The following PTPRN2 variants were observed in gnomAD, a reference collection of about 807,000 sequenced individuals.
The protein encoded by PTPRN2 is protein tyrosine phosphatase receptor type N2, also known as receptor-type tyrosine-protein phosphatase N2.
PTPRN2 carries 74 observed loss-of-function variants against 118.8 expected under a neutral mutation model. That is an observed-to-expected ratio of 0.62 (90% CI 0.52 to 0.76). The LOEUF (loss-of-function observed/expected upper bound fraction) is 0.76. Ranked by LOEUF, PTPRN2 falls within the 30% of genes least tolerant of loss-of-function variation. The pLI is 0.00. For missense variants in PTPRN2, 1,481 were observed against 1,394.4 expected (o/e 1.06, Z -0.99); for synonymous variants, 641 against 608.0 (o/e 1.05, Z -0.80).
At position 157,990,592 on chromosome 7, in the gene PTPRN2, G is replaced by T. The variant is rs1026068187; in HGVS notation, c.1723+90706C>A. On this transcript the variant is annotated intron_variant, in intron 11 of 22. Coordinates refer to ENST00000389418, the MANE Select transcript of PTPRN2 (RefSeq NM_002847.5). This position sits in a 1 kb window ranked among gnomAD's most constrained non-coding sequence, Gnocchi z 4.3. Reference sequence around the variant, plus strand: ...GGCAAGGGAGGAGACATCGGTGGATGGGGGAGCAGGGCAGGCTGGGGGTCA... The same window carrying T: ...GGCAAGGGAGGAGACATCGGTGGATTGGGGAGCAGGGCAGGCTGGGGGTCA... Among the ~76,000 whole-genome samples the T allele has an allele frequency of 6.6e-6, 1 of 152,212 alleles. No individual in the cohort carries two copies. Among genetic ancestry groups the T allele is most frequent in the Non-Finnish European group, 1.5e-5 (1 of 68,044 alleles).
Position 158,284,228 on chromosome 7 carries a change from G to A in PTPRN2, c.277+32591C>T, listed in dbSNP as rs375351889. 5.9e-5 allele frequency among the ~76,000 whole-genome samples: 9 copies of A among 152,348 alleles called. 1 individual carries two copies. In the South Asian group the frequency reaches 1.9e-3, roughly 32 times the overall value. On this transcript the variant is annotated intron_variant, in intron 3 of 22. Transcript: ENST00000389418. ...GTATTGGCAGCGTCCTACATTTAGA[G>A]AGAATCCAGACAAACAGCTGGTGGG...
At chr7:157,824,033 C>G (rs992780708) in intron 12 of PTPRN2, among the ~76,000 whole-genome samples, 1 of 152,140 alleles carries the variant, frequency 6.6e-6, no homozygotes, top group African/African-American at 2.4e-5. Flanking sequence ...GGACTTCAAG[C>G]CCTCATAGAG....
At chr7:158,560,642 G>T (rs985596188) in intron 1 of PTPRN2, among the ~76,000 whole-genome samples, 3 of 152,254 alleles carry the variant, frequency 2.0e-5, no homozygotes, top group Non-Finnish European at 4.4e-5. Flanking sequence ...GGCAGGTGTG[G>T]CCATCGCCTC....
intron 12 of PTPRN2, among the ~76,000 whole-genome samples, chr7:157,877,592 C>T (rs920591498): frequency 4.6e-5 from 7 of 152,168 alleles, no homozygotes; most frequent in African/African-American, 7.2e-5. Context: ...TCCTCCCCTC[C>T]GTGCACCCCG....
chr7:158,111,628 C>T (rs1160516079), intron 9 of PTPRN2, among the ~76,000 whole-genome samples: 1 of 152,198 alleles, frequency 6.6e-6, no homozygotes, highest in Non-Finnish European at 1.5e-5. Flanking sequence ...CAAAGGCTTT[C>T]ACCCCAGCAG....
chr7:157,613,405 G>T (rs765734282), intron 15 of PTPRN2, among the ~76,000 whole-genome samples: 1 of 152,216 alleles, frequency 6.6e-6, no homozygotes, highest in African/African-American at 2.4e-5. Context: ...GGGTCCGGGC[G>T]GGCCCCACGT....
chr7:158,321,799 G>A (rs1803038108), intron 2 of PTPRN2, among the ~76,000 whole-genome samples: 1 of 152,184 alleles, frequency 6.6e-6, no homozygotes, highest in African/African-American at 2.4e-5. Flanking sequence ...AAATATATGT[G>A]TACGTGTCAA....
intron 11 of PTPRN2, among the ~76,000 whole-genome samples, chr7:157,907,866 C>T (rs1212061764): frequency 6.6e-6 from 1 of 152,146 alleles, no homozygotes; most frequent in African/African-American, 2.4e-5. Context: ...TTCCTCCAGC[C>T]CCATCCTTTC....
At chr7:157,946,242 G>C (rs866064574) in intron 11 of PTPRN2, among the ~76,000 whole-genome samples, 18 of 152,130 alleles carry the variant, frequency 1.2e-4, no homozygotes, top group Middle Eastern at 3.4e-3. Flanking sequence ...GCTGGCCCAT[G>C]CCTCATGGGA....
rs552140811 is a variant in PTPRN2 at position 158,278,613 on chromosome 7, T to C, written c.277+38206A>G. Among the ~76,000 whole-genome samples, 3 of 152,354 alleles carry C rather than the reference T, an allele frequency of 2.0e-5. No individual in the cohort carries two copies. In the South Asian group the frequency reaches 6.2e-4, roughly 32 times the overall value. On this transcript the variant is annotated intron_variant, in intron 3 of 22. Transcript: ENST00000389418. ...TAGATGGACATGTTGTGTCCGGAAT[T>C]GGTGGGTTCTTGGTCTCGCTGACTT...
At chr7:157,988,442 C>T (rs899773014) in intron 11 of PTPRN2, among the ~76,000 whole-genome samples, 11 of 152,190 alleles carry the variant, frequency 7.2e-5, no homozygotes, top group South Asian at 6.2e-4. Context: ...CCTGCCTGCA[C>T]GTCTTGACAT....
In PTPRN2 at chr7:157,982,104, C is replaced by T. The variant is rs560273405; in HGVS notation, c.1724-83367G>A. ...GCAGGGTCCCCTCTAAACCCCGAGT[C>T]ACAGAGACAAGGAGGGGAATGCAGA... On this transcript the variant is annotated intron_variant, in intron 11 of 22. Transcript: ENST00000389418. 1.1e-3 allele frequency among the ~76,000 whole-genome samples: 147 copies of T among 139,962 alleles called. 1 individual carries two copies. The highest frequency in any genetic ancestry group is 3.7e-3 in the African/African-American group (141 of 37,860). 91.8% of individuals were successfully genotyped at this position (139,962 alleles called of 152,430 possible).
chr7:158,168,685 T>C (rs1823252907), intron 5 of PTPRN2, among the ~76,000 whole-genome samples: 1 of 152,234 alleles, frequency 6.6e-6, no homozygotes, highest in African/African-American at 2.4e-5. Flanking sequence ...CATCATTTAC[T>C]AGTCAATGCC....
At chr7:158,566,690 T>C (rs1563441040) in intron 1 of PTPRN2, among the ~76,000 whole-genome samples, 1 of 152,126 alleles carries the variant, frequency 6.6e-6, no homozygotes, top group Non-Finnish European at 1.5e-5. Context: ...AATAAAAGAT[T>C]GTTAAAGTGG....
chr7:158,062,611 C>T (rs1447401893), intron 11 of PTPRN2, among the ~76,000 whole-genome samples: 2 of 152,138 alleles, frequency 1.3e-5, no homozygotes, highest in Non-Finnish European at 2.9e-5. Context: ...GCGTGGTGCT[C>T]ACGGGCCAGC....
chr7:158,222,451 T>C (rs1173990988), intron 3 of PTPRN2, among the ~76,000 whole-genome samples: 1 of 152,196 alleles, frequency 6.6e-6, no homozygotes, highest in Non-Finnish European at 1.5e-5. Context: ...TAGGCCATCA[T>C]CCTAATCAAA....
intron 3 of PTPRN2, among the ~76,000 whole-genome samples, chr7:158,228,028 C>A (rs1195402750): frequency 6.6e-6 from 1 of 152,120 alleles, no homozygotes; most frequent in Non-Finnish European, 1.5e-5. Context: ...AGAAATGGAA[C>A]CTATACATTC....
chr7:158,568,787 A>T (rs543000901), intron 1 of PTPRN2, among the ~76,000 whole-genome samples: 2 of 144,254 alleles, frequency 1.4e-5, no homozygotes, highest in African/African-American at 5.3e-5. Context: ...ATGTTTAAAT[A>T]AAAAAAAAAA....
chr7:157,932,455 C>T (rs1309472293), intron 11 of PTPRN2, among the ~76,000 whole-genome samples: 2 of 151,996 alleles, frequency 1.3e-5, no homozygotes, highest in African/African-American at 4.8e-5. Flanking sequence ...CTTTGATTGA[C>T]AGTTTCAGAT....
Sources: gnomAD v4.1 joint callset for allele counts (sites outside exome capture counted in the v4.1 genomes callset) on GRCh38, gnomAD v4.1.1 for gene constraint, Gnocchi (gnomAD v3.1) non-coding constraint, MANE v1.5 for transcripts, NCBI Gene and HGNC (gene_info 2026-07-23, HGNC 2026-07-21) for gene names.